The following LIPI variants were observed in gnomAD, a reference collection of about 807,000 sequenced individuals.
LIPI encodes the protein lipase I, also known as lipase member I.
A neutral mutation model predicts 50.6 loss-of-function variants in LIPI; 59 were observed. The ratio of observed to expected loss-of-function variants is 1.16; its 90% confidence interval spans 0.94 to 1.45. LIPI has a LOEUF of 1.45. Among genes scored for constraint, LIPI ranks in the 40% most tolerant of loss-of-function variants. LIPI has a pLI of 0.00. For synonymous variants in LIPI, 203 were observed against 178.2 expected (o/e 1.14, Z -1.11); for missense variants, 586 against 536.3 (o/e 1.09, Z -0.92).
intron 3 of LIPI, among the ~76,000 whole-genome samples, chr21:14,184,098 C>T (rs528764116): frequency 1.5e-4 from 23 of 151,970 alleles, no homozygotes; most frequent in Non-Finnish European, 2.1e-4. Context: ...AACGATAGAC[C>T]GGATTAAGAA....
At position 14,165,366 on chromosome 21, in the gene LIPI, T is replaced by C. The variant is rs1322606829; in HGVS notation, c.758A>G (p.His253Arg). 6.2e-7 allele frequency: 1 copy of C among 1,611,932 alleles called. No homozygotes were observed. The highest frequency in any genetic ancestry group is 1.7e-5 in the Admixed American group (1 of 59,930). Reference protein sequence around the residue: ...FSGIQFIKCNHQRAVHLFMAS... With the variant: ...FSGIQFIKCNRQRAVHLFMAS... ...CATGAACAAGTGAACTGCTCTCTGG[T>C]GGTTGCATTTAATGAATTGAATTCC... Residue 253 changes from histidine to arginine, a missense_variant, in exon 6 of 10, where the codon CAC becomes CGC. By Grantham distance (29) the His-to-Arg change is conservative. Transcript: ENST00000681601.
chr21:14,154,207 G>T (rs149368308), intron 7 of LIPI, among the ~76,000 whole-genome samples: 16 of 151,634 alleles, frequency 1.1e-4, no homozygotes, highest in African/African-American at 3.9e-4. Context: ...CTGATGAAAT[G>T]ATAGATTATC....
chr21:14,134,478 A>G (rs991256020), intron 9 of LIPI, among the ~76,000 whole-genome samples: 1 of 152,198 alleles, frequency 6.6e-6, no homozygotes, highest in Admixed American at 6.5e-5. Context: ...GAGCCCAAAT[A>G]ACCAAAGCAA....
At chr21:14,192,275 G>A (rs2019703245) in intron 1 of LIPI, among the ~76,000 whole-genome samples, 2 of 152,078 alleles carry the variant, frequency 1.3e-5, no homozygotes, top group African/African-American at 2.4e-5. Flanking sequence ...GATAAGCCTG[G>A]ACAACATGGT....
intron 4 of LIPI, among the ~76,000 whole-genome samples, chr21:14,178,677 GCCAGTGTATAATAATT>G (rs1323997461): frequency 6.6e-6 from 1 of 151,984 alleles, no homozygotes; most frequent in Non-Finnish European, 1.5e-5. Flanking sequence ...ATTTTTTATA[GCCAGTGTATAATAATT>G]CCAATATCTG....
chr21:14,182,316 GTTATC>G (rs1470886417), intron 3 of LIPI, among the ~76,000 whole-genome samples: 3 of 152,064 alleles, frequency 2.0e-5, no homozygotes, highest in Non-Finnish European at 4.4e-5. Context: ...GATAAATCAT[GTTATC>G]TTATCCATTT....
intron 9 of LIPI, among the ~76,000 whole-genome samples, chr21:14,118,454 G>T (rs2016738152): frequency 6.6e-6 from 1 of 152,134 alleles, no homozygotes; most frequent in African/African-American, 2.4e-5. Flanking sequence ...TCCAACGTAA[G>T]TTCTTATATT....
At chr21:14,187,966 A>G (rs1364609715) in intron 2 of LIPI, among the ~76,000 whole-genome samples, 5 of 152,314 alleles carry the variant, frequency 3.3e-5, no homozygotes, top group African/African-American at 1.2e-4. Context: ...TGGCCACTAC[A>G]TATAACGGCT....
intron 7 of LIPI, among the ~76,000 whole-genome samples, chr21:14,161,235 A>T (rs534293399): frequency 2.0e-5 from 3 of 150,270 alleles, no homozygotes; most frequent in African/African-American, 7.3e-5. Flanking sequence ...TCAACAGGTG[A>T]TTGGTTAAAC....
intron 9 of LIPI, among the ~76,000 whole-genome samples, chr21:14,130,837 G>T (rs1057386613): frequency 1.3e-5 from 2 of 152,134 alleles, no homozygotes; most frequent in African/African-American, 4.8e-5. Flanking sequence ...ACATGGACCA[G>T]TTGTGTCCCA....
At chr21:14,193,425 TAAACA>T (rs1162278845) in intron 1 of LIPI, among the ~76,000 whole-genome samples, 1 of 151,994 alleles carries the variant, frequency 6.6e-6, no homozygotes, top group African/African-American at 2.4e-5. Flanking sequence ...GTAGGTAGAC[TAAACA>T]ACCCCCCCAA....
intron 4 of LIPI, among the ~76,000 whole-genome samples, chr21:14,167,852 A>G (rs571094862): frequency 1.4e-4 from 21 of 152,354 alleles, no homozygotes; most frequent in Admixed American, 1.0e-3. Flanking sequence ...ACAATGGAAC[A>G]AAGCTGGCTG....
At chr21:14,209,918 C>CAT (rs1349581908) in intron 1 of LIPI, among the ~76,000 whole-genome samples, 3 of 151,852 alleles carry the variant, frequency 2.0e-5, no homozygotes, top group Non-Finnish European at 2.9e-5. Flanking sequence ...TTATAAACTA[C>CAT]ATATCAGTAT....
chr21:14,191,520 C>CT (rs35776076), intron 1 of LIPI, among the ~76,000 whole-genome samples: 1 of 151,536 alleles, frequency 6.6e-6, no homozygotes. Context: ...TAAAAATAAA[C>CT]TTTTTTTAAA....
intron 2 of LIPI, among the ~76,000 whole-genome samples, chr21:14,187,238 G>A (rs2019487396): frequency 6.6e-6 from 1 of 152,254 alleles, no homozygotes; most frequent in South Asian, 2.1e-4. Flanking sequence ...AAGACTACAT[G>A]AGAGTGTACT....
At chr21:14,183,617 A>G (rs1202013314) in intron 3 of LIPI, among the ~76,000 whole-genome samples, 1 of 152,206 alleles carries the variant, frequency 6.6e-6, no homozygotes, top group Non-Finnish European at 1.5e-5. Context: ...ATGAACTCAA[A>G]CAAATTTACA....
chr21:14,173,239 C>G (rs1352583559), intron 4 of LIPI, among the ~76,000 whole-genome samples: 1 of 152,178 alleles, frequency 6.6e-6, no homozygotes, highest in East Asian at 1.9e-4. Flanking sequence ...CCTACAGATC[C>G]TTTTCGATCA....
At chr21:14,134,331 G>A (rs893918493) in intron 9 of LIPI, among the ~76,000 whole-genome samples, 1 of 152,058 alleles carries the variant, frequency 6.6e-6, no homozygotes, top group African/African-American at 2.4e-5. Flanking sequence ...CGTGCTCGTG[G>A]ATTGGAAAAA....
At chr21:14,152,740 G>A in intron 7 of LIPI, 56 bp from the exon 8 acceptor site, 1 of 848,880 alleles carries the variant, frequency 1.2e-6, no homozygotes, top group East Asian at 2.7e-5. Context: ...TTTGGTTTTG[G>A]TACATATTCA....
Sources: gnomAD v4.1 joint callset for allele counts (sites outside exome capture counted in the v4.1 genomes callset) on GRCh38, gnomAD v4.1.1 for gene constraint, MANE v1.5 for transcripts, NCBI Gene and HGNC (gene_info 2026-07-23, HGNC 2026-07-21) for gene names.